JMJD1C: variants seen among roughly 807,000 people sequenced by gnomAD.
JMJD1C encodes the protein jumonji domain containing 1C, also known as jumonji domain-containing protein 1C.
A neutral mutation model predicts 245.3 loss-of-function variants in JMJD1C; 31 were observed. The observed-to-expected ratio is 0.13, with a 90% CI of 0.09 to 0.17. JMJD1C has a LOEUF of 0.17. JMJD1C is among the 10% of genes least tolerant of loss of function. JMJD1C has a pLI of 1.00. For missense variants in JMJD1C, 2,691 were observed against 3,000.2 expected (o/e 0.90, Z 2.41); for synonymous variants, 1,057 against 1,017.4 (o/e 1.04, Z -0.74).
intron 2 of JMJD1C, among the ~76,000 whole-genome samples, chr10:63,271,472 C>T (rs1302942631): frequency 1.3e-5 from 2 of 152,048 alleles, no homozygotes; most frequent in East Asian, 3.9e-4. Context: ...GCCACCATGC[C>T]CGGATGTAAA....
At chr10:63,348,884 T>A (rs1174819200) in intron 2 of JMJD1C, among the ~76,000 whole-genome samples, 1 of 151,994 alleles carries the variant, frequency 6.6e-6, no homozygotes, top group African/African-American at 2.4e-5. Flanking sequence ...GTGGATCACC[T>A]CAGGTCAGGA....
chr10:63,225,709 G>T (rs527865002), intron 3 of JMJD1C, among the ~76,000 whole-genome samples: 1 of 151,608 alleles, frequency 6.6e-6, no homozygotes, highest in African/African-American at 2.4e-5. Context: ...AACCCGGGAG[G>T]TAGAGGATGC....
At chr10:63,484,604 C>T (rs1953936048) in intron 1 of JMJD1C, among the ~76,000 whole-genome samples, 2 of 151,284 alleles carry the variant, frequency 1.3e-5, no homozygotes, top group African/African-American at 4.9e-5. Context: ...ATGATCAAAC[C>T]AATAAAAGCA....
intron 2 of JMJD1C, chr10:63,380,108 T>C: frequency 1.0e-5 from 3 of 293,080 alleles, no homozygotes; most frequent in African/African-American, 2.2e-5. Context: ...TCCAGCTATT[T>C]TTTTTTTTTT....
In JMJD1C at chr10:63,478,803, C is replaced by A. The variant is rs181513088; in HGVS notation, n.113+42935G>T. Among the ~76,000 whole-genome samples the A allele has an allele frequency of 8.0e-4, 121 of 152,180 alleles. 1 individual carries two copies. Among genetic ancestry groups the A allele is most frequent in the Admixed American group, 7.3e-3 (112 of 15,256 alleles). ...TGCATGGCTGACCTTAGTCTCCAGA[C>A]CCCCCAGAGGTCAAGCTGATAACCA... On this transcript the variant is annotated intron_variant and non_coding_transcript_variant, in intron 1 of 3. Transcript: ENST00000633035.
At position 63,186,951 on chromosome 10, in the gene JMJD1C, A is replaced by G. The variant is rs57039808; in HGVS notation, c.6571-568T>C. ...TGCATTCTTGTAGTCCCAGCTCCCA[A>G]GGCTGAGCTGGGAGGATTGCTTGAG... On this transcript the variant is annotated intron_variant, in intron 18 of 25. Coordinates refer to ENST00000399262, the MANE Select transcript of JMJD1C (RefSeq NM_032776.3). 5.4e-4 allele frequency among the ~76,000 whole-genome samples: 82 copies of G among 152,318 alleles called. No homozygotes were observed. In the East Asian group the frequency reaches 0.011, roughly 20 times the overall value.
At chr10:63,296,801 A>G (rs1382315611) in intron 2 of JMJD1C, among the ~76,000 whole-genome samples, 5 of 152,232 alleles carry the variant, frequency 3.3e-5, no homozygotes, top group Non-Finnish European at 7.3e-5. Flanking sequence ...ATCTAGCTGT[A>G]AAAGATAGTC....
At chr10:63,341,011 G>A (rs1943325703) in intron 2 of JMJD1C, among the ~76,000 whole-genome samples, 1 of 152,138 alleles carries the variant, frequency 6.6e-6, no homozygotes, top group African/African-American at 2.4e-5. Context: ...AGAAGTTAGT[G>A]AGAAATGCTG....
At chr10:63,171,385 C>T (rs897691985) in intron 24 of JMJD1C, among the ~76,000 whole-genome samples, 2 of 152,174 alleles carry the variant, frequency 1.3e-5, no homozygotes, top group African/African-American at 2.4e-5. Flanking sequence ...AGGGCTGTGG[C>T]TATGCTGCTT....
In JMJD1C at chr10:63,260,999, C is replaced by T. The variant is rs145756382; in HGVS notation, c.447+3652G>A. Among the ~76,000 whole-genome samples the T allele has an allele frequency of 4.9e-4, 75 of 152,228 alleles. 1 individual carries two copies. Among genetic ancestry groups the T allele is most frequent in the African/African-American group, 1.8e-3 (73 of 41,530 alleles). ...GAATCTGCAGATTTCCCCACTGCTT[C>T]CTCTCCCTTTTCCCTTCCCCCCTAC... On this transcript the variant is annotated intron_variant, in intron 3 of 25. Coordinates refer to ENST00000399262, the MANE Select transcript of JMJD1C (RefSeq NM_032776.3).
intron 16 of JMJD1C, among the ~76,000 whole-genome samples, chr10:63,192,399 G>A (rs1844944782): frequency 6.6e-6 from 1 of 151,996 alleles, no homozygotes; most frequent in Non-Finnish European, 1.5e-5. Context: ...GTGACGCCCT[G>A]TCTCTACTAA....
intron 1 of JMJD1C, among the ~76,000 whole-genome samples, chr10:63,477,148 G>C (rs1953688361): frequency 6.6e-6 from 1 of 151,968 alleles, no homozygotes; most frequent in South Asian, 2.1e-4. Flanking sequence ...GACTCAATAA[G>C]ATTCTAATTC....
chr10:63,213,457 C>G lies in JMJD1C; in HGVS notation c.2694+16G>C. 1.4e-6 allele frequency: 2 copies of G among 1,477,376 alleles called. No homozygotes were observed. Among genetic ancestry groups the G allele is most frequent in the East Asian group, 4.6e-5 (2 of 43,838 alleles). 91.5% of individuals were successfully genotyped at this position (1,477,376 alleles called of 1,614,324 possible). On this transcript the variant is annotated intron_variant, in intron 8 of 25. Coordinates refer to ENST00000399262, the MANE Select transcript of JMJD1C (RefSeq NM_032776.3). ...TTAATATATACTGCTATGTGGCAAA[C>G]TACAGTGTAACTTACCCTCCTTAAT...
chr10:63,207,360 T>C lies in JMJD1C; in HGVS notation c.4309A>G (p.Ser1437Gly), dbSNP rs376120047. 2.7e-5 allele frequency: 44 copies of C among 1,613,840 alleles called. No homozygotes were observed. The highest frequency in any genetic ancestry group is 3.4e-5 in the Non-Finnish European group (40 of 1,180,042). ...STSSECVSSK[S>G]VSQPVAQKQE... ...TTTTGAGCCACTGGCTGACTGACAC[T>C]TTTTGAAGATACACATTCTGATGAT... is the stretch of plus-strand genomic sequence containing the variant. Residue 1437 changes from serine to glycine, a missense_variant, in exon 10 of 26, where the codon AGT (serine) becomes GGT (glycine). Ser to Gly is a moderately conservative substitution (Grantham distance 56). This residue lies in a region of JMJD1C where 1,562 missense variants were observed against 1,490.7 expected (regional missense o/e 1.05). Transcript: ENST00000399262.
At chr10:63,179,788 A>G (rs1464360807) in intron 22 of JMJD1C, among the ~76,000 whole-genome samples, 2 of 151,966 alleles carry the variant, frequency 1.3e-5, no homozygotes, top group Non-Finnish European at 1.5e-5. Flanking sequence ...AAAAAGAAAA[A>G]AAAAAAAAAA....
intron 22 of JMJD1C, among the ~76,000 whole-genome samples, chr10:63,182,239 C>T (rs774886534): frequency 9.2e-5 from 14 of 152,192 alleles, no homozygotes; most frequent in Non-Finnish European, 1.6e-4. Flanking sequence ...ATCTGAAACT[C>T]CGAAGAAGCC....
At chr10:63,431,298 G>A (rs763921191) in intron 1 of JMJD1C, among the ~76,000 whole-genome samples, 1 of 152,170 alleles carries the variant, frequency 6.6e-6, no homozygotes, top group Non-Finnish European at 1.5e-5. Context: ...AGGAAGTTAA[G>A]AGAATAAAAG....
At chr10:63,440,366 A>G (rs777523031) in intron 1 of JMJD1C, among the ~76,000 whole-genome samples, 1 of 89,844 alleles carries the variant, frequency 1.1e-5, no homozygotes, top group Non-Finnish European at 2.7e-5. Flanking sequence ...ATATATATAT[A>G]GAGAGAGAGA....
Position 63,392,824 on chromosome 10 carries a change from CAAAAAAAA to C in JMJD1C, c.169-12350_169-12343del, listed in dbSNP as rs991038264. On this transcript the variant is annotated intron_variant, in intron 1 of 25. Transcript: ENST00000399262. ...TGGTGACAGAGCGAGACTTCGTCTCCAAAAAAAAAAAAAAAAAAAAAAGGTGGGCAAAA... is the reference window on the plus strand; with the variant it reads ...TGGTGACAGAGCGAGACTTCGTCTCCAAAAAAAAAAAAAAGGTGGGCAAAA... Among the ~76,000 whole-genome samples the C allele has an allele frequency of 5.9e-3, 171 of 28,804 alleles. 1 individual carries two copies. Among genetic ancestry groups the C allele is most frequent in the Non-Finnish European group, 7.6e-3 (127 of 16,602 alleles). The allele number at this position is 28,804 out of a possible 152,430, so 18.9% of individuals were successfully genotyped here.
Sources: gnomAD v4.1 joint callset for allele counts (sites outside exome capture counted in the v4.1 genomes callset) on GRCh38, gnomAD v4.1.1 for gene constraint, gnomAD v4.1.1 regional missense constraint, MANE v1.5 for transcripts, NCBI Gene and HGNC (gene_info 2026-07-23, HGNC 2026-07-21) for gene names.